RCBTB1: variants seen among roughly 807,000 people sequenced by gnomAD.
RCBTB1 encodes the protein RCC1 and BTB domain-containing protein 1.
Under a neutral mutation model 62.4 loss-of-function variants are expected in RCBTB1, and 46 were observed. The observed-to-expected ratio is 0.74, with a 90% CI of 0.58 to 0.94. The LOEUF is 0.94. RCBTB1 is among the 40% of genes least tolerant of loss of function. The pLI is 0.00. For missense variants in RCBTB1, 565 were observed against 654.9 expected (o/e 0.86, Z 1.50); for synonymous variants, 222 against 245.8 (o/e 0.90, Z 0.91).
At position 49,540,856 on chromosome 13, in the gene RCBTB1, C is replaced by T. The variant is rs1486806818; in HGVS notation, c.1455+20G>A. The T allele has an allele frequency of 1.1e-5, 17 of 1,609,602 alleles. No individual in the cohort carries two copies. Among genetic ancestry groups the T allele is most frequent in the Non-Finnish European group, 1.4e-5 (17 of 1,178,706 alleles). Reference sequence around the variant, plus strand: ...AAGGGAGTTAAAGGTGGTCTGGTTTCTGTTTGTTGTTTAAGTTACCTCTGC... The same window carrying T: ...AAGGGAGTTAAAGGTGGTCTGGTTTTTGTTTGTTGTTTAAGTTACCTCTGC... On this transcript the variant is annotated intron_variant, in intron 12 of 12. Transcript: ENST00000378302.
chr13:49,573,374 G>C (rs185191638), intron 2 of RCBTB1, among the ~76,000 whole-genome samples: 31 of 151,604 alleles, frequency 2.0e-4, no homozygotes, highest in Admixed American at 4.6e-4. Flanking sequence ...TCGTCAGCAG[G>C]GTTGTGGCCA....
intron 9 of RCBTB1, among the ~76,000 whole-genome samples, chr13:49,548,758 A>T (rs1226087200): frequency 6.6e-6 from 1 of 151,824 alleles, no homozygotes; most frequent in Non-Finnish European, 1.5e-5. Flanking sequence ...AAATCCATAG[A>T]AACAAAAAGC....
chr13:49,540,784 C>T (rs939632856), intron 12 of RCBTB1, 92 bp downstream of exon 12: 4 of 1,361,722 alleles, frequency 2.9e-6, no homozygotes, highest in African/African-American at 3.0e-5. Flanking sequence ...AGTGGAGTGA[C>T]TCATCGTTTT....
chr13:49,542,111 G>A (rs530147283), intron 10 of RCBTB1, among the ~76,000 whole-genome samples: 17 of 152,020 alleles, frequency 1.1e-4, no homozygotes, highest in South Asian at 8.3e-4. Flanking sequence ...CTACTCAGGA[G>A]GCTGAGGCAG....
At chr13:49,549,863 T>C in intron 8 of RCBTB1, 3 of 985,358 alleles carry the variant, frequency 3.0e-6, no homozygotes, top group Non-Finnish European at 3.6e-6. Flanking sequence ...CTCAGCTCAC[T>C]GTGAGTTAGG....
intron 6 of RCBTB1, among the ~76,000 whole-genome samples, chr13:49,554,224 T>C (rs1386006624): frequency 6.6e-6 from 1 of 152,162 alleles, no homozygotes. Flanking sequence ...AAGGGAAAAG[T>C]CCAAAAAGAT....
At chr13:49,568,062 G>A (rs1349097167) in intron 2 of RCBTB1, among the ~76,000 whole-genome samples, 4 of 152,200 alleles carry the variant, frequency 2.6e-5, no homozygotes, top group African/African-American at 7.2e-5. Context: ...GGCCACCACT[G>A]TTCCCAGTGA....
chr13:49,555,530 A>G lies in RCBTB1; in HGVS notation c.588T>C (p.Val196=). 6.2e-7 allele frequency: 1 copy of G among 1,613,990 alleles called. No individual in the cohort carries two copies. The highest frequency in any genetic ancestry group is 8.5e-7 in the Non-Finnish European group (1 of 1,179,836). The change falls in exon 6 of 13, where the codon GTT becomes GTC. Residue 196 remains valine, a synonymous_variant. Coordinates refer to ENST00000378302, the MANE Select transcript of RCBTB1 (RefSeq NM_018191.4). ...GACACCTCACCTCGCCATTGTCCAGAACAGCCATGGATGAAGTCTGACCAC... is the reference window on the plus strand; with the variant it reads ...GACACCTCACCTCGCCATTGTCCAGGACAGCCATGGATGAAGTCTGACCAC... ...IACGQTSSMA[V]LDNGEVYGWG...
chr13:49,536,833 T>G (rs1959978391), intron 12 of RCBTB1, among the ~76,000 whole-genome samples: 2 of 152,252 alleles, frequency 1.3e-5, no homozygotes, highest in African/African-American at 4.8e-5. Flanking sequence ...AGATTTATTG[T>G]CATTAGCAAA....
At chr13:49,570,306 G>A (rs1963312860) in intron 2 of RCBTB1, among the ~76,000 whole-genome samples, 1 of 152,128 alleles carries the variant, frequency 6.6e-6, no homozygotes, top group Admixed American at 6.5e-5. Flanking sequence ...ATAATGATGG[G>A]GCATTATTAT....
chr13:49,552,393 T>A lies in RCBTB1; in HGVS notation c.604-108A>T, dbSNP rs1036123647. On this transcript the variant is annotated intron_variant, in intron 6 of 12. Coordinates refer to ENST00000378302, the MANE Select transcript of RCBTB1 (RefSeq NM_018191.4). ...AAATCAGATACTTCCAACACCTATA[T>A]TCTACTCTATGCTCCTGCAACTGAT... The A allele has an allele frequency of 8.8e-5, 56 of 633,408 alleles. No individual in the cohort carries two copies. In the Middle Eastern group the frequency reaches 1.6e-3, roughly 18 times the overall value. The allele number at this position is 633,408 out of a possible 1,614,324, so 39.2% of individuals were successfully genotyped here. A position where few individuals can be genotyped will look rare whatever the true frequency, so the allele number is the denominator to read the frequency against.
At chr13:49,561,097 AC>A (rs1962397948) in intron 4 of RCBTB1, among the ~76,000 whole-genome samples, 1 of 151,882 alleles carries the variant, frequency 6.6e-6, no homozygotes, top group South Asian at 2.1e-4. Context: ...TTTCCACAGC[AC>A]CCCCGAGTGC....
At position 49,532,094 on chromosome 13, in the gene RCBTB1, A is replaced by G. The variant is rs898027066; in HGVS notation, c.*2028T>C. ...AAGAAATATGAATACTTTGGCTTCCATTATTACATTAGATGAAAAAATCAA... is the reference window on the plus strand; with the variant it reads ...AAGAAATATGAATACTTTGGCTTCCGTTATTACATTAGATGAAAAAATCAA... On this transcript the variant is annotated 3_prime_UTR_variant, in exon 13 of 13. Coordinates refer to ENST00000378302, the MANE Select transcript of RCBTB1 (RefSeq NM_018191.4). The G allele has an allele frequency of 6.5e-6, 1 of 152,674 alleles. No individual in the cohort carries two copies. 9.5% of individuals were successfully genotyped at this position (152,674 alleles called of 1,614,324 possible). A position where few individuals can be genotyped will look rare whatever the true frequency, so the allele number is the denominator to read the frequency against.
intron 2 of RCBTB1, among the ~76,000 whole-genome samples, chr13:49,568,537 T>G (rs1406260143): frequency 1.3e-5 from 2 of 152,180 alleles, no homozygotes; most frequent in African/African-American, 4.8e-5. Flanking sequence ...ATGGCACCTG[T>G]TTACACACAC....
In RCBTB1 at chr13:49,549,647, C is replaced by T. The variant is rs772180688; in HGVS notation, c.856G>A (p.Val286Met). ...PAHIMVEKERVVEIAACHSAH... is the reference protein window; with the variant it reads ...PAHIMVEKERMVEIAACHSAH... ...GAGTGACAGGCTGCAATCTCTACCA[C>T]CCTGAAAAGTTTTAAGAAAAATGCA... The change falls in exon 9 of 13, where the codon GTG becomes ATG. Residue 286 changes from valine (V) to methionine (M), a missense_variant and splice_region_variant. Transcript: ENST00000378302. 4 of 1,601,794 alleles carry T rather than the reference C, an allele frequency of 2.5e-6. No homozygotes were observed. The Admixed American group carries it at 6.8e-5, about 27-fold the overall frequency.
At chr13:49,544,153 G>A (rs2139145268) in intron 10 of RCBTB1, among the ~76,000 whole-genome samples, 1 of 152,282 alleles carries the variant, frequency 6.6e-6, no homozygotes, top group East Asian at 1.9e-4. Context: ...ATGGAAATGA[G>A]TATTCACCAG....
At chr13:49,539,042 G>C (rs936443054) in intron 12 of RCBTB1, among the ~76,000 whole-genome samples, 4 of 151,822 alleles carry the variant, frequency 2.6e-5, no homozygotes, top group African/African-American at 9.7e-5. Flanking sequence ...GCTAATTTTT[G>C]TATTTTTAGT....
chr13:49,558,003 T>C (rs1032093824), intron 5 of RCBTB1, among the ~76,000 whole-genome samples: 1 of 152,212 alleles, frequency 6.6e-6, no homozygotes, highest in Non-Finnish European at 1.5e-5. Flanking sequence ...AAACAAAGTG[T>C]GGCTTACAGC....
intron 10 of RCBTB1, among the ~76,000 whole-genome samples, chr13:49,543,499 G>A (rs180870149): frequency 2.4e-4 from 36 of 152,218 alleles, no homozygotes; most frequent in African/African-American, 8.2e-4. Flanking sequence ...CTTAGGTAAG[G>A]AATGACATAG....
Sources: allele counts gnomAD v4.1 joint callset (sites outside exome capture counted in the v4.1 genomes callset), GRCh38; gene constraint gnomAD v4.1.1; transcripts MANE v1.5; gene names NCBI Gene and HGNC (gene_info 2026-07-23, HGNC 2026-07-21).